Variants in ERBB4 observed in about 807,000 individuals in gnomAD.
ERBB4 encodes erb-b2 receptor tyrosine kinase 4.
ERBB4 carries 42 observed loss-of-function variants against 158.0 expected under a neutral mutation model. The ratio of observed to expected loss-of-function variants is 0.27; its 90% CI spans 0.21 to 0.34. The LOEUF (loss-of-function observed/expected upper bound fraction) is 0.34. Ranked by LOEUF, ERBB4 falls within the 10% of genes least tolerant of loss-of-function variation. The pLI, the probability that ERBB4 is intolerant of heterozygous loss-of-function variation, is 1.00. For synonymous variants in ERBB4, 583 were observed against 558.7 expected, an observed-to-expected ratio of 1.04 and a Z score of -0.61; for missense variants, 1,333 against 1,624.1, an observed-to-expected ratio of 0.82 and a Z score of 3.08.
At chr2:212,237,880 G>A (rs1056970419) in intron 1 of ERBB4, among the ~76,000 whole-genome samples, 11 of 152,262 alleles carry the variant, frequency 7.2e-5, no homozygotes, top group Non-Finnish European at 1.6e-4. Flanking sequence ...TACACTGTGA[G>A]GGGAAAACCA....
At chr2:212,112,449 T>A (rs1000972529) in intron 2 of ERBB4, among the ~76,000 whole-genome samples, 56 of 142,768 alleles carry the variant, frequency 3.9e-4, no homozygotes, top group Admixed American at 3.5e-4. Flanking sequence ...TTTATTTTAT[T>A]TTTTTTTTAA....
At chr2:212,286,594 CTTTT>C (rs71054190) in intron 1 of ERBB4, among the ~76,000 whole-genome samples, 1,487 of 55,214 alleles carry the variant, frequency 0.027, 14 homozygotes, top group Non-Finnish European at 0.044. Context: ...TAAGTGCTGA[CTTTT>C]TTTTTTTTTT....
intron 1 of ERBB4, among the ~76,000 whole-genome samples, chr2:212,522,637 A>T (rs1692237149): frequency 3.9e-5 from 6 of 151,940 alleles, no homozygotes; most frequent in Admixed American, 3.9e-4. Flanking sequence ...GAAGCATTGG[A>T]TAGACTTACT....
chr2:212,234,364 T>C (rs1224434667), intron 1 of ERBB4, among the ~76,000 whole-genome samples: 1 of 152,236 alleles, frequency 6.6e-6, no homozygotes, highest in Non-Finnish European at 1.5e-5. Flanking sequence ...TGTCACCTTT[T>C]CTTTATCCAG....
intron 5 of ERBB4, among the ~76,000 whole-genome samples, chr2:211,730,801 A>G (rs1280475533): frequency 2.0e-5 from 3 of 152,052 alleles, no homozygotes; most frequent in Admixed American, 6.6e-5. Flanking sequence ...AATTTTCTAG[A>G]AGCTTTGGTA....
chr2:212,239,101 T>G (rs1457071703), intron 1 of ERBB4, among the ~76,000 whole-genome samples: 2 of 152,240 alleles, frequency 1.3e-5, no homozygotes, highest in Non-Finnish European at 2.9e-5. Context: ...TTGCCCAGCC[T>G]GGAGGGCAGT....
At chr2:211,498,353 TTC>T (rs1400594565) in intron 20 of ERBB4, among the ~76,000 whole-genome samples, 1 of 152,152 alleles carries the variant, frequency 6.6e-6, no homozygotes, top group African/African-American at 2.4e-5. Flanking sequence ...ACTTGTTTAT[TTC>T]TCTGTCATTA....
rs1217958039 is a variant in ERBB4, at chr2:211,420,451, T to C, written c.3125A>G (p.Asp1042Gly). The C allele has an allele frequency of 1.2e-6, 2 of 1,610,248 alleles. No homozygotes were observed. The highest frequency in any genetic ancestry group is 2.2e-5 in the East Asian group (1 of 44,808). The change falls in exon 25 of 28, where the codon GAC becomes GGC. Residue 1042 changes from aspartate to glycine, a missense_variant. Around this residue, in one of 5 missense-constraint regions of ERBB4, gnomAD observed 252 missense variants for 241.3 expected, o/e 1.04. Coordinates refer to ENST00000342788, the MANE Select transcript of ERBB4 (RefSeq NM_005235.3). ...ATAATTATTTCTTACCCTATTCGAG[T>C]CAATTCTTGCTCTGGAAGTATAGAT... Reference protein sequence around the residue: ...PPIYTSRARIDSNRSEIGHSP... With the variant: ...PPIYTSRARIGSNRSEIGHSP...
At chr2:211,433,728 A>T (rs2063792649) in intron 20 of ERBB4, among the ~76,000 whole-genome samples, 1 of 152,228 alleles carries the variant, frequency 6.6e-6, no homozygotes, top group African/African-American at 2.4e-5. Flanking sequence ...AAGGTGATGT[A>T]AAATAAAGGC....
intron 2 of ERBB4, among the ~76,000 whole-genome samples, chr2:212,008,621 C>T (rs2076310857): frequency 6.6e-6 from 1 of 152,074 alleles, no homozygotes; most frequent in Non-Finnish European, 1.5e-5. Context: ...ACACTGTACT[C>T]TATTCATAAA....
intron 1 of ERBB4, among the ~76,000 whole-genome samples, chr2:212,142,750 C>G (rs1481884804): frequency 6.6e-6 from 1 of 151,640 alleles, no homozygotes; most frequent in East Asian, 1.9e-4. Context: ...GTTCACATGG[C>G]ACAGTGCCTC....
rs577327422 is a variant in ERBB4 at position 211,413,009 on chromosome 2, A to T, written c.3135+7432T>A. On this transcript the variant is annotated intron_variant, in intron 25 of 27. Coordinates refer to ENST00000342788, the MANE Select transcript of ERBB4 (RefSeq NM_005235.3). Reference sequence around the variant, plus strand: ...AAATTGAACAATTTAAAAAATTTCTACTTAGGCCCAGTGCTGTGGCTCACG... The same window carrying T: ...AAATTGAACAATTTAAAAAATTTCTTCTTAGGCCCAGTGCTGTGGCTCACG... 2.2e-3 allele frequency among the ~76,000 whole-genome samples: 334 copies of T among 151,846 alleles called. 1 individual carries two copies. The highest frequency in any genetic ancestry group is 3.8e-3 in the Non-Finnish European group (257 of 67,932).
rs571023589 is a variant in ERBB4 at position 211,395,024 on chromosome 2, G to A, written c.3136-7032C>T. Among the ~76,000 whole-genome samples, 3 of 152,130 alleles carry A rather than the reference G, an allele frequency of 2.0e-5. No homozygotes were observed. In the East Asian group the frequency reaches 5.8e-4, roughly 29 times the overall value. On this transcript the variant is annotated intron_variant, in intron 25 of 27. Coordinates refer to ENST00000342788, the MANE Select transcript of ERBB4 (RefSeq NM_005235.3). Reference sequence around the variant, plus strand: ...CTTCCAACTACCAAAGGATTTACGTGTAAAATAAATTTTCTGCCTCAAGCC... The same window carrying A: ...CTTCCAACTACCAAAGGATTTACGTATAAAATAAATTTTCTGCCTCAAGCC...
At chr2:211,715,868 G>A (rs1332312840) in intron 7 of ERBB4, among the ~76,000 whole-genome samples, 2 of 152,108 alleles carry the variant, frequency 1.3e-5, no homozygotes. Flanking sequence ...TTATAGCAGT[G>A]TAAGAACCAA....
At chr2:211,409,841 C>T in intron 25 of ERBB4, among the ~76,000 whole-genome samples, 1 of 152,248 alleles carries the variant, frequency 6.6e-6, no homozygotes, top group East Asian at 1.9e-4. Context: ...TTATATTTTC[C>T]AGTATCAGTA....
At chr2:212,101,198 TA>T (rs1040719002) in intron 2 of ERBB4, among the ~76,000 whole-genome samples, 3 of 151,826 alleles carry the variant, frequency 2.0e-5, no homozygotes, top group African/African-American at 7.3e-5. Context: ...ATAATTTTGT[TA>T]AAAAAGAAAA....
intron 1 of ERBB4, among the ~76,000 whole-genome samples, chr2:212,316,277 T>C (rs1031609959): frequency 1.3e-5 from 2 of 151,424 alleles, no homozygotes; most frequent in Admixed American, 1.3e-4. Context: ...CCCACATGCA[T>C]GTACACACAC....
intron 1 of ERBB4, among the ~76,000 whole-genome samples, chr2:212,451,411 T>C (rs537295789): frequency 1.1e-4 from 16 of 152,216 alleles, no homozygotes; most frequent in Non-Finnish European, 1.8e-4. Flanking sequence ...CAAATAGAAC[T>C]GACCAAATTG....
chr2:212,452,063 T>C (rs898193440), intron 1 of ERBB4, among the ~76,000 whole-genome samples: 2 of 151,948 alleles, frequency 1.3e-5, no homozygotes, highest in African/African-American at 4.8e-5. Context: ...ATCATTCTTT[T>C]TGTTGTAGAA....
Sources: gnomAD v4.1 joint callset for allele counts (sites outside exome capture counted in the v4.1 genomes callset) on GRCh38, gnomAD v4.1.1 for gene constraint, gnomAD v4.1.1 regional missense constraint, MANE v1.5 for transcripts, NCBI Gene and HGNC (gene_info 2026-07-23, HGNC 2026-07-21) for gene names.